Variants in CD300A observed in about 807,000 individuals in gnomAD.
The protein encoded by CD300A is CMRF35-like molecule 8.
CD300A carries 22 observed loss-of-function variants against 33.6 expected under a neutral mutation model. The observed-to-expected ratio is 0.66, with a 90% CI of 0.47 to 0.94. The LOEUF (loss-of-function observed/expected upper bound fraction) is 0.94, where lower values mean the gene tolerates loss of function less well. Ranked by LOEUF, CD300A falls within the 40% of genes least tolerant of loss-of-function variation. The pLI, the probability that CD300A is intolerant of heterozygous loss-of-function variation, is 0.00. For missense variants in CD300A, 326 were observed against 360.5 expected (o/e 0.90, Z 0.77); for synonymous variants, 136 against 148.1 (o/e 0.92, Z 0.59).
chr17:74,480,158 G>A lies in CD300A; in HGVS notation c.629-1131G>A, dbSNP rs769414891. Among the ~76,000 whole-genome samples the A allele has an allele frequency of 4.6e-5, 7 of 152,132 alleles. No individual in the cohort carries two copies. The highest frequency in any genetic ancestry group is 7.2e-5 in the African/African-American group (3 of 41,414). On this transcript the variant is annotated intron_variant, in intron 4 of 6. Transcript: ENST00000360141. The surrounding 1 kb of genome is among the most constrained non-coding windows in gnomAD (Gnocchi z 4.2). Reference sequence around the variant, plus strand: ...ACAGCACTTGGAAGCAGGGCACTTCGCACCCCAGAGTACCCGGCTGCGCAC... The same window carrying A: ...ACAGCACTTGGAAGCAGGGCACTTCACACCCCAGAGTACCCGGCTGCGCAC...
At chr17:74,472,961 C>T (rs1906202873) in intron 1 of CD300A, among the ~76,000 whole-genome samples, 1 of 152,108 alleles carries the variant, frequency 6.6e-6, no homozygotes, top group South Asian at 2.1e-4. Flanking sequence ...GGGTTTGCCC[C>T]TTGGTGGGAC....
At chr17:74,470,139 TC>T in intron 1 of CD300A, 11 of 985,396 alleles carry the variant, frequency 1.1e-5, no homozygotes, top group Non-Finnish European at 1.3e-5. Context: ...GTCCCCAGTC[TC>T]CTGTTTATGA....
chr17:74,478,995 C>T (rs540707603), intron 4 of CD300A, among the ~76,000 whole-genome samples: 1 of 152,304 alleles, frequency 6.6e-6, no homozygotes, highest in South Asian at 2.1e-4. Flanking sequence ...TTTCGGTTTC[C>T]TTTGTGCCCT....
chr17:74,468,179 C>A (rs940097602), intron 1 of CD300A, among the ~76,000 whole-genome samples: 1 of 151,928 alleles, frequency 6.6e-6, no homozygotes, highest in South Asian at 2.1e-4. Context: ...AGATTACAGG[C>A]ATGTACCACC....
chr17:74,468,009 TTTTA>T (rs138029210), intron 1 of CD300A, among the ~76,000 whole-genome samples: 43,071 of 146,262 alleles, frequency 0.29, 8,799 homozygotes, highest in African/African-American at 0.59. Context: ...GCATTTTTAC[TTTTA>T]TTTATTTATT....
chr17:74,467,076 G>T, intron 1 of CD300A: 1 of 1,064,378 alleles, frequency 9.4e-7, no homozygotes. Context: ...GTCAGGGTGG[G>T]TGGAGAGTGG....
In CD300A at chr17:74,484,087, G is replaced by A; in HGVS notation, c.861G>A (p.Glu287=). The A allele has an allele frequency of 1.9e-6, 3 of 1,614,068 alleles. No individual in the cohort carries two copies. The highest frequency in any genetic ancestry group is 1.1e-5 in the South Asian group (1 of 91,078). ...TAGCTGCTCAGAGGCCTCGGGAGGA[G>A]GAACCAGATTCAGATTACAGTGTGA... ...NRIAAQRPRE[E]EPDSDYSVIR... The change falls in exon 7 of 7, where the codon GAG becomes GAA. Residue 287 remains glutamate (E), a synonymous_variant. Coordinates refer to ENST00000360141, the MANE Select transcript of CD300A (RefSeq NM_007261.4).
chr17:74,477,928 C>T (rs906769734), intron 4 of CD300A, among the ~76,000 whole-genome samples: 4 of 152,164 alleles, frequency 2.6e-5, no homozygotes, highest in African/African-American at 9.7e-5. Flanking sequence ...CACAACAAGG[C>T]TCCCGTGTCT....
chr17:74,481,345 GA>G lies in CD300A; in HGVS notation c.666+20del. 3 of 1,613,060 alleles carry G rather than the reference GA, an allele frequency of 1.9e-6. No individual in the cohort carries two copies. Among genetic ancestry groups the G allele is most frequent in the Non-Finnish European group, 2.5e-6 (3 of 1,179,136 alleles). Reference sequence around the variant, plus strand: ...CAAGCAGGTAAGGGGGCTTTAGCAGGAGGTGTATCAGGTGGCTGGGCGGAGG... The same window carrying G: ...CAAGCAGGTAAGGGGGCTTTAGCAGGGGTGTATCAGGTGGCTGGGCGGAGG... On this transcript the variant is annotated intron_variant, in intron 5 of 6. Coordinates refer to ENST00000360141, the MANE Select transcript of CD300A (RefSeq NM_007261.4).
chr17:74,473,418 G>T, intron 1 of CD300A, 118 bp from the exon 2 acceptor site: 2 of 908,384 alleles, frequency 2.2e-6, no homozygotes, highest in Non-Finnish European at 1.7e-6. Context: ...GGTGGACAAG[G>T]CCTCTCTGCC....
rs1906290601 is a variant in CD300A at position 74,473,984 on chromosome 17, G to C, written c.379+110G>C. ...AGTGTGTGTGTGTGTGTGCGTAAGA[G>C]AGAGAGAGGTGGGGGCCAGGGGAAC... On this transcript the variant is annotated intron_variant, in intron 2 of 6. Transcript: ENST00000360141. 3.2e-6 allele frequency: 4 copies of C among 1,264,556 alleles called. No individual in the cohort carries two copies. In the South Asian group the frequency reaches 4.4e-5, roughly 14 times the overall value. The allele number at this position is 1,264,556 out of a possible 1,614,324, so 78.3% of individuals were successfully genotyped here.
chr17:74,477,643 A>T, intron 4 of CD300A, 113 bp downstream of exon 4: 1 of 636,448 alleles, frequency 1.6e-6, no homozygotes, highest in Non-Finnish European at 2.8e-6. Context: ...GACATGTGAC[A>T]CCCAGACCAC....
At chr17:74,477,333 G>C in intron 3 of CD300A, 103 bp from the exon 4 acceptor site, 1 of 749,024 alleles carries the variant, frequency 1.3e-6, no homozygotes, top group South Asian at 1.9e-5. Flanking sequence ...CTGGGTAACA[G>C]AGCCAGATCC....
At chr17:74,481,080 C>T (rs1390923175) in intron 4 of CD300A, among the ~76,000 whole-genome samples, 1 of 152,186 alleles carries the variant, frequency 6.6e-6, no homozygotes, top group East Asian at 1.9e-4. Context: ...TCCATTTATT[C>T]ACTCATCCTG....
intron 1 of CD300A, among the ~76,000 whole-genome samples, chr17:74,472,076 A>G (rs546952699): frequency 2.0e-4 from 30 of 152,150 alleles, no homozygotes; most frequent in African/African-American, 7.0e-4. Flanking sequence ...CCCTGTCTCT[A>G]CTAAAAACAC....
In CD300A at chr17:74,466,684, C is replaced by G. The variant is rs534091157; in HGVS notation, c.-20C>G. 2.5e-6 allele frequency: 4 copies of G among 1,590,578 alleles called. No individual in the cohort carries two copies. In the Admixed American group the frequency reaches 7.1e-5, roughly 28 times the overall value. ...GGGCCTGGAGCTGCTGCAAGTGCCG[C>G]CTGTGCTGGGGAAGGGACCATGTGG... On this transcript the variant is annotated 5_prime_UTR_variant, in exon 1 of 7. Transcript: ENST00000360141.
rs781026316 is a variant in CD300A at position 74,477,462 on chromosome 17, C to T, written c.560C>T (p.Ala187Val). The T allele has an allele frequency of 8.7e-6, 14 of 1,613,748 alleles. No individual in the cohort carries two copies. The South Asian group carries it at 1.5e-4, about 18-fold the overall frequency. Residue 187 changes from alanine to valine, a missense_variant, in exon 4 of 7, where the codon GCA becomes GTA. Coordinates refer to ENST00000360141, the MANE Select transcript of CD300A (RefSeq NM_007261.4). Reference protein sequence around the residue: ...SQLPLLLSLLALLLLLLVGAS... With the variant: ...SQLPLLLSLLVLLLLLLVGAS... ...CTCCCGCTGCTCCTCTCCCTGCTGG[C>T]ATTGTTGCTGCTTCTGTTGGTGGGG... is the stretch of plus-strand genomic sequence containing the variant.
At chr17:74,470,397 AAGAGAGAGAGCTAGAGGGAGAG>A (rs1906019125) in intron 1 of CD300A, among the ~76,000 whole-genome samples, 1 of 151,980 alleles carries the variant, frequency 6.6e-6, no homozygotes, top group South Asian at 2.1e-4. Flanking sequence ...GAGAGAGAGA[AAGAGAGAGAGCTAGAGGGAGAG>A]AGAGAGAGGG....
At chr17:74,481,453 G>A (rs1298137556) in intron 5 of CD300A, 127 bp downstream of exon 5, 9 of 844,300 alleles carry the variant, frequency 1.1e-5, no homozygotes, top group East Asian at 2.5e-5. Flanking sequence ...AGAGCAGGAC[G>A]AATGATGCTG....
Sources: gnomAD v4.1 joint callset for allele counts (sites outside exome capture counted in the v4.1 genomes callset) on GRCh38, gnomAD v4.1.1 for gene constraint, Gnocchi (gnomAD v3.1) non-coding constraint, MANE v1.5 for transcripts, NCBI Gene and HGNC (gene_info 2026-07-23, HGNC 2026-07-21) for gene names.